Variants in VTA1 observed in about 807,000 individuals in gnomAD.
VTA1 encodes the protein vesicle trafficking 1, also known as vacuolar protein sorting-associated protein VTA1 homolog.
Under a neutral mutation model 36.9 loss-of-function variants are expected in VTA1, and 24 were observed. That is an observed-to-expected ratio of 0.65 (90% CI 0.47 to 0.91). VTA1 has a LOEUF of 0.91. Ranked by LOEUF, VTA1 falls within the 40% of genes least tolerant of loss-of-function variation. VTA1 has a pLI of 0.00. For synonymous variants in VTA1, 142 were observed against 130.2 expected, an observed-to-expected ratio of 1.09 and a Z score of -0.62; for missense variants, 393 against 377.2, an observed-to-expected ratio of 1.04 and a Z score of -0.35.
intron 1 of VTA1, among the ~76,000 whole-genome samples, chr6:142,161,987 A>G (rs1774818319): frequency 6.6e-6 from 1 of 152,196 alleles, no homozygotes; most frequent in African/African-American, 2.4e-5. Context: ...GAGAGGATCC[A>G]ATTCTTCAAT....
intron 7 of VTA1, among the ~76,000 whole-genome samples, chr6:142,205,987 A>G (rs983153188): frequency 2.0e-5 from 3 of 152,220 alleles, no homozygotes; most frequent in South Asian, 2.1e-4. Context: ...ATGACAAAAC[A>G]TAGAGTACTT....
chr6:142,168,580 GA>G (rs1774966835), intron 2 of VTA1, among the ~76,000 whole-genome samples: 1 of 151,492 alleles, frequency 6.6e-6, no homozygotes, highest in African/African-American at 2.4e-5. Flanking sequence ...TGTGTCTATA[GA>G]AAAGGGCTAA....
intron 1 of VTA1, among the ~76,000 whole-genome samples, chr6:142,148,654 A>G (rs1046722198): frequency 2.4e-4 from 36 of 152,294 alleles, no homozygotes; most frequent in African/African-American, 8.4e-4. Context: ...TATCATACAT[A>G]GAGTATTAAA....
chr6:142,161,059 T>A (rs895617969), intron 1 of VTA1, among the ~76,000 whole-genome samples: 6 of 149,214 alleles, frequency 4.0e-5, no homozygotes, highest in African/African-American at 1.5e-4. Flanking sequence ...TAGCAGGCAT[T>A]CATTCATGCT....
chr6:142,185,412 A>C (rs951152526), intron 4 of VTA1, among the ~76,000 whole-genome samples: 2 of 152,188 alleles, frequency 1.3e-5, no homozygotes, highest in Non-Finnish European at 2.9e-5. Flanking sequence ...TTCCCCAAAG[A>C]GGGAAAGTTT....
chr6:142,149,829 T>G (rs2114625269), intron 1 of VTA1, among the ~76,000 whole-genome samples: 1 of 152,318 alleles, frequency 6.6e-6, no homozygotes, highest in East Asian at 1.9e-4. Flanking sequence ...TTTTAATCAA[T>G]TTTGGAAAAT....
chr6:142,222,403 C>T lies in VTA1; in HGVS notation c.*3760C>T, dbSNP rs1776128746. The T allele has an allele frequency of 6.6e-6, 1 of 152,114 alleles. No homozygotes were observed. Among genetic ancestry groups the T allele is most frequent in the Non-Finnish European group, 1.5e-5 (1 of 68,040 alleles). The allele number at this position is 152,114 out of a possible 1,614,324, so 9.4% of individuals were successfully genotyped here. The stretch of plus-strand genomic sequence containing the variant: ...GGAGCTGCAAGCCAAGAATAGTTCC[C>T]ATGGTTAGCATGGCCTAGGAAGTTT... On this transcript the variant is annotated 3_prime_UTR_variant, in exon 8 of 8. Coordinates refer to ENST00000367630, the MANE Select transcript of VTA1 (RefSeq NM_016485.5).
At chr6:142,197,093 T>C (rs1478780106) in intron 5 of VTA1, among the ~76,000 whole-genome samples, 2 of 152,194 alleles carry the variant, frequency 1.3e-5, no homozygotes, top group Non-Finnish European at 2.9e-5. Context: ...GATTTCCTCT[T>C]ACCCTTACTC....
intron 5 of VTA1, among the ~76,000 whole-genome samples, chr6:142,190,232 T>C (rs1775428377): frequency 6.6e-6 from 1 of 152,184 alleles, no homozygotes; most frequent in Non-Finnish European, 1.5e-5. Context: ...AATTGTAGAG[T>C]ATATAAAAAA....
intron 4 of VTA1, 141 bp downstream of exon 4, chr6:142,170,562 A>T: frequency 1.9e-6 from 1 of 527,818 alleles, no homozygotes; most frequent in Non-Finnish European, 3.2e-6. Context: ...TGCATTTTTT[A>T]TTAGCCATTT....
intron 2 of VTA1, among the ~76,000 whole-genome samples, chr6:142,169,210 T>C (rs1582882645): frequency 1.3e-5 from 2 of 152,336 alleles, no homozygotes. Context: ...GGGTAACTTA[T>C]AGTTTGGGTA....
At chr6:142,147,452 C>T (rs1475359722) in intron 1 of VTA1, 53 bp downstream of exon 1, 14 of 1,529,958 alleles carry the variant, frequency 9.2e-6, no homozygotes, top group Admixed American at 1.8e-5. Flanking sequence ...ATTTTAGGGC[C>T]CACACACCTC....
intron 1 of VTA1, among the ~76,000 whole-genome samples, chr6:142,149,430 T>A (rs1745406905): frequency 6.6e-6 from 1 of 152,208 alleles, no homozygotes; most frequent in Admixed American, 6.5e-5. Flanking sequence ...TTTTTGACAA[T>A]CTGGTGGGTG....
intron 5 of VTA1, among the ~76,000 whole-genome samples, chr6:142,192,557 A>C (rs1038157405): frequency 8.5e-5 from 13 of 152,124 alleles, no homozygotes; most frequent in African/African-American, 2.9e-4. Flanking sequence ...GATATAAAGA[A>C]TTCCAGTATG....
chr6:142,152,941 T>C (rs1562253739), intron 1 of VTA1, among the ~76,000 whole-genome samples: 1 of 152,138 alleles, frequency 6.6e-6, no homozygotes, highest in East Asian at 1.9e-4. Flanking sequence ...TGCATTCCTA[T>C]TAATTTGACT....
intron 5 of VTA1, among the ~76,000 whole-genome samples, chr6:142,196,887 C>G (rs1205504578): frequency 6.6e-6 from 1 of 152,148 alleles, no homozygotes; most frequent in Non-Finnish European, 1.5e-5. Flanking sequence ...ACTTTGTCCC[C>G]CTGTTTCAGC....
chr6:142,207,736 A>G (rs754222548), intron 7 of VTA1, among the ~76,000 whole-genome samples: 3 of 152,190 alleles, frequency 2.0e-5, no homozygotes, highest in African/African-American at 4.8e-5. Context: ...GACATAGGAA[A>G]GACCCACAAG....
intron 4 of VTA1, among the ~76,000 whole-genome samples, chr6:142,179,100 C>CA (rs979112682): frequency 1.3e-5 from 2 of 151,406 alleles, no homozygotes; most frequent in Admixed American, 1.3e-4. Context: ...CAAAAATCAA[C>CA]AAAAAAAGAA....
chr6:142,214,825 G>C (rs1419699589), intron 7 of VTA1, among the ~76,000 whole-genome samples: 1 of 152,082 alleles, frequency 6.6e-6, no homozygotes, highest in East Asian at 1.9e-4. Flanking sequence ...TCTCAACTTT[G>C]CTGTGAACTT....
Sources: gnomAD v4.1 joint callset for allele counts (sites outside exome capture counted in the v4.1 genomes callset) on GRCh38, gnomAD v4.1.1 for gene constraint, MANE v1.5 for transcripts, NCBI Gene and HGNC (gene_info 2026-07-23, HGNC 2026-07-21) for gene names.